ZNF827: variants seen among roughly 807,000 people sequenced by gnomAD.
ZNF827 encodes zinc finger protein 827.
In ZNF827, 13 loss-of-function variants were observed where a neutral mutation model predicts 102.4. The ratio of observed to expected loss-of-function variants is 0.13; its 90% CI spans 0.08 to 0.20. ZNF827 has a LOEUF of 0.20. ZNF827 is among the 10% of genes least tolerant of loss of function. The probability of loss-of-function intolerance (pLI) is 1.00; values close to 1 mark genes in which losing one functional copy is unlikely to be tolerated. For missense variants in ZNF827, 1,103 were observed against 1,344.4 expected (o/e 0.82, Z 2.81); for synonymous variants, 523 against 536.2 (o/e 0.98, Z 0.34).
chr4:145,905,782 A>G (rs534446552), intron 1 of ZNF827, among the ~76,000 whole-genome samples: 347 of 152,360 alleles, frequency 2.3e-3, no homozygotes, highest in African/African-American at 7.5e-3. Flanking sequence ...TAGTAAGTCA[A>G]AAGTTTAAAA....
At position 145,854,626 on chromosome 4, in the gene ZNF827, C is replaced by T. The variant is rs140062420; in HGVS notation, c.1982-5065G>A. Among the ~76,000 whole-genome samples the T allele has an allele frequency of 2.8e-3, 430 of 152,322 alleles. 5 individuals are homozygous for T. The highest frequency in any genetic ancestry group is 0.024 in the Middle Eastern group (7 of 294). On this transcript the variant is annotated intron_variant, in intron 5 of 14. Coordinates refer to ENST00000508784, the MANE Select transcript of ZNF827 (RefSeq NM_001306215.2). ...CCTCCCTACTTCATCTCTGAGCACT[C>T]CTCCATGTGACTTTGTGCTCCTGCA...
rs773093381 is a variant in ZNF827, at chr4:145,902,363, G to A, written c.896C>T (p.Ala299Val). The change falls in exon 2 of 15, where the codon GCG becomes GTG. Residue 299 changes from alanine (A) to valine (V), a missense_variant. By Grantham distance (64) the Ala-to-Val change is moderately conservative (BLOSUM62 0). Around this residue, in one of 5 missense-constraint regions of ZNF827, gnomAD observed 441 missense variants for 458.6 expected, o/e 0.96. Transcript: ENST00000508784. The surrounding 1 kb of genome is among the most constrained non-coding windows in gnomAD (Gnocchi z 4.3). ...ALLKEVAARA[A>V]GSLLAEKSSL... is the part of the protein sequence containing the mutation. ...TGATTTCTCAGCCAGAAGACTGCCCGCAGCCCTTGCGGCCACCTCCTTCAG... is the reference window on the plus strand; with the variant it reads ...TGATTTCTCAGCCAGAAGACTGCCCACAGCCCTTGCGGCCACCTCCTTCAG... The A allele has an allele frequency of 9.9e-6, 16 of 1,611,356 alleles. No homozygotes were observed. The highest frequency in any genetic ancestry group is 2.2e-5 in the East Asian group (1 of 44,796).
chr4:145,931,493 T>C (rs1311491496), intron 1 of ZNF827, among the ~76,000 whole-genome samples: 1 of 152,176 alleles, frequency 6.6e-6, no homozygotes, highest in East Asian at 1.9e-4. Flanking sequence ...AAACCTAAAA[T>C]CTATGCCTTC....
rs572095584 is a variant in ZNF827 at position 145,913,288 on chromosome 4, T to G, written c.44-10073A>C. On this transcript the variant is annotated intron_variant, in intron 1 of 14. Transcript: ENST00000508784. The stretch of plus-strand genomic sequence containing the variant: ...CAAAAATATAAAAATTAGCCAAGTG[T>G]GGTGGTGCATGCCTGTGGTCCCAGC... Among the ~76,000 whole-genome samples the G allele has an allele frequency of 4.6e-5, 7 of 151,744 alleles. No homozygotes were observed. The South Asian group carries it at 1.5e-3, about 32-fold the overall frequency.
intron 5 of ZNF827, among the ~76,000 whole-genome samples, chr4:145,853,370 T>A (rs1746723791): frequency 6.6e-6 from 1 of 152,228 alleles, no homozygotes; most frequent in Non-Finnish European, 1.5e-5. Context: ...TGAATCCTTT[T>A]AGAATCTCTT....
chr4:145,920,502 A>G (rs567162526), intron 1 of ZNF827, among the ~76,000 whole-genome samples: 2 of 152,260 alleles, frequency 1.3e-5, no homozygotes, highest in Non-Finnish European at 2.9e-5. Context: ...TCAGGAAGGG[A>G]GGAGAAGCAT....
At chr4:145,806,537 T>C (rs1178926236) in intron 8 of ZNF827, among the ~76,000 whole-genome samples, 3 of 151,898 alleles carry the variant, frequency 2.0e-5, no homozygotes, top group Non-Finnish European at 4.4e-5. Flanking sequence ...TATTTAATGA[T>C]ACTCAGATCT....
At chr4:145,835,370 T>C (rs1744707100) in intron 7 of ZNF827, 1 of 151,952 alleles carries the variant, frequency 6.6e-6, no homozygotes, top group Non-Finnish European at 1.5e-5. Context: ...CCTGTTTCCC[T>C]TGCCTCCATA....
chr4:145,829,439 A>C (rs17020659), intron 7 of ZNF827, among the ~76,000 whole-genome samples: 2,709 of 149,928 alleles, frequency 0.018, 74 homozygotes, highest in African/African-American at 0.062. Context: ...TGAATTAATC[A>C]AGTAAAAGTA....
Position 145,775,841 on chromosome 4 carries a change from T to C in ZNF827, c.2641A>G (p.Ser881Gly), listed in dbSNP as rs1359006766. The C allele has an allele frequency of 6.2e-7, 1 of 1,614,196 alleles. No homozygotes were observed. Among genetic ancestry groups the C allele is most frequent in the Non-Finnish European group, 8.5e-7 (1 of 1,180,018 alleles). ...LVSTDTEDIVSAVTSEGSDGK... is the reference protein window; with the variant it reads ...LVSTDTEDIVGAVTSEGSDGK... ...TCACTGCCTTCAGAGGTGACGGCGCTGACAATGTCCTCGGTGTCTGTACTC... is the reference window on the plus strand; with the variant it reads ...TCACTGCCTTCAGAGGTGACGGCGCCGACAATGTCCTCGGTGTCTGTACTC... Residue 881 changes from serine to glycine, a missense_variant, in exon 10 of 15, where the codon AGC (serine) becomes GGC (glycine). Physicochemically the swap from Ser to Gly is moderately conservative, Grantham distance 56. Coordinates refer to ENST00000508784, the MANE Select transcript of ZNF827 (RefSeq NM_001306215.2).
Position 145,766,899 on chromosome 4 carries a change from G to A in ZNF827, c.2861-1161C>T, listed in dbSNP as rs539434012. 7.2e-5 allele frequency among the ~76,000 whole-genome samples: 11 copies of A among 152,162 alleles called. No homozygotes were observed. In the South Asian group the frequency reaches 2.1e-3, roughly 29 times the overall value. ...AATCACTGCCTAGTGATCTAGACCC[G>A]CCAAAGAATCATGAAAGCAAGACCC... On this transcript the variant is annotated intron_variant, in intron 11 of 14. Coordinates refer to ENST00000508784, the MANE Select transcript of ZNF827 (RefSeq NM_001306215.2).
intron 8 of ZNF827, among the ~76,000 whole-genome samples, chr4:145,791,645 T>C (rs781153016): frequency 6.6e-6 from 1 of 152,216 alleles, no homozygotes; most frequent in African/African-American, 2.4e-5. Flanking sequence ...ATACTTTCTT[T>C]AATGGTTAAG....
chr4:145,938,269 AC>A, intron 1 of ZNF827, 95 bp downstream of exon 1: 1 of 1,473,320 alleles, frequency 6.8e-7, no homozygotes, highest in Non-Finnish European at 9.5e-7. Flanking sequence ...GTAACCCTAA[AC>A]TAATGCAGAA....
chr4:145,898,729 T>C lies in ZNF827; in HGVS notation c.1093+3437A>G, dbSNP rs1751172960. Among the ~76,000 whole-genome samples, 3 of 152,190 alleles carry C rather than the reference T, an allele frequency of 2.0e-5. No homozygotes were observed. The South Asian group carries it at 6.2e-4, about 32-fold the overall frequency. Reference sequence around the variant, plus strand: ...GGAAAGGCTATCGAGTGGTGGACTCTTAAGGAATTAAATACACCATGACCT... The same window carrying C: ...GGAAAGGCTATCGAGTGGTGGACTCCTAAGGAATTAAATACACCATGACCT... On this transcript the variant is annotated intron_variant, in intron 2 of 14. Coordinates refer to ENST00000508784, the MANE Select transcript of ZNF827 (RefSeq NM_001306215.2).
At position 145,938,329 on chromosome 4, in the gene ZNF827, A is replaced by T. The variant is rs1337427484; in HGVS notation, c.43+36T>A. 2 of 1,613,518 alleles carry T rather than the reference A, an allele frequency of 1.2e-6. 1 individual carries two copies. Among genetic ancestry groups the T allele is most frequent in the South Asian group, 2.2e-5 (2 of 91,054 alleles). On this transcript the variant is annotated intron_variant, in intron 1 of 14. Transcript: ENST00000508784. ...GGAAAGAGGAGAGGGAGGGCGAGAA[A>T]ATGGCACGAGAGGAGGTGGAGAAGG...
intron 7 of ZNF827, among the ~76,000 whole-genome samples, chr4:145,833,504 C>G (rs1744472550): frequency 6.6e-6 from 1 of 152,066 alleles, no homozygotes; most frequent in Non-Finnish European, 1.5e-5. Context: ...GTACCCCAAC[C>G]CCTTCTCTCC....
intron 11 of ZNF827, among the ~76,000 whole-genome samples, chr4:145,772,272 G>A (rs988271280): frequency 2.0e-5 from 3 of 152,140 alleles, no homozygotes; most frequent in African/African-American, 7.2e-5. Flanking sequence ...ATACAGCAGT[G>A]ACTTAGATAA....
chr4:145,888,745 G>T (rs368577018), intron 3 of ZNF827, among the ~76,000 whole-genome samples: 130 of 152,208 alleles, frequency 8.5e-4, no homozygotes, highest in Middle Eastern at 3.4e-3. Flanking sequence ...CACCTTTTCT[G>T]TTCAATTTTA....
In ZNF827 at chr4:145,892,279, C is replaced by A; in HGVS notation, c.1230G>T (p.Arg410=). Residue 410 remains arginine (R), a synonymous_variant, in exon 3 of 15, where the codon CGG becomes CGT. Transcript: ENST00000508784. ...ATTTGAGATTGTCCTTGCGAGCACA[C>A]CGGAATGGACAGAGCGGACACTGAT... ...KSHQCPLCPF[R]CARKDNLKSH... 13 of 1,612,902 alleles carry A rather than the reference C, an allele frequency of 8.1e-6. No individual in the cohort carries two copies. The highest frequency in any genetic ancestry group is 1.1e-5 in the Non-Finnish European group (13 of 1,179,328).
Sources: gnomAD v4.1 joint callset for allele counts (sites outside exome capture counted in the v4.1 genomes callset) on GRCh38, gnomAD v4.1.1 for gene constraint, gnomAD v4.1.1 regional missense constraint, Gnocchi (gnomAD v3.1) non-coding constraint, MANE v1.5 for transcripts, NCBI Gene and HGNC (gene_info 2026-07-23, HGNC 2026-07-21) for gene names.